NAA50: variants seen among roughly 807,000 people sequenced by gnomAD.
NAA50 encodes N-alpha-acetyltransferase 50.
NAA50 carries 7 observed loss-of-function variants against 20.7 expected under a neutral mutation model. The ratio of observed to expected loss-of-function variants is 0.34; its 90% CI spans 0.19 to 0.63. NAA50 has a LOEUF of 0.63. Among genes scored for constraint, NAA50 ranks in the 30% least tolerant of loss-of-function variants. The probability of loss-of-function intolerance (pLI) is 0.75; values close to 1 mark genes in which losing one functional copy is unlikely to be tolerated. For missense variants in NAA50, 111 were observed against 199.1 expected (o/e 0.56, Z 2.66); for synonymous variants, 54 against 70.6 (o/e 0.77, Z 1.18).
intron 1 of NAA50, among the ~76,000 whole-genome samples, chr3:113,738,002 C>T (rs1475602798): frequency 1.3e-5 from 2 of 152,184 alleles, no homozygotes; most frequent in East Asian, 1.9e-4. Context: ...TCCAGGAGTT[C>T]GAGACCAGCC....
At chr3:113,723,742 G>T in intron 2 of NAA50, 1 of 783,998 alleles carries the variant, frequency 1.3e-6, no homozygotes, top group Non-Finnish European at 1.9e-6. Flanking sequence ...AAAACACACA[G>T]GTATACACTA....
chr3:113,739,204 A>C (rs889316340), intron 1 of NAA50, among the ~76,000 whole-genome samples: 2 of 152,250 alleles, frequency 1.3e-5, no homozygotes, highest in Non-Finnish European at 2.9e-5. Flanking sequence ...TATCATTTTA[A>C]TGTATTTAAA....
chr3:113,743,230 GATAGGCAAC>G (rs1165966996), intron 1 of NAA50, among the ~76,000 whole-genome samples: 1 of 152,222 alleles, frequency 6.6e-6, no homozygotes, highest in African/African-American at 2.4e-5. Flanking sequence ...GTTTCAATAT[GATAGGCAAC>G]ATAGGCAACA....
At chr3:113,732,704 A>G (rs1268592058) in intron 1 of NAA50, among the ~76,000 whole-genome samples, 1 of 152,192 alleles carries the variant, frequency 6.6e-6, no homozygotes, top group African/African-American at 2.4e-5. Flanking sequence ...TATATCTGCA[A>G]AGACCCTATT....
At chr3:113,728,095 C>G (rs1708223121) in intron 1 of NAA50, among the ~76,000 whole-genome samples, 1 of 144,168 alleles carries the variant, frequency 6.9e-6, no homozygotes, top group African/African-American at 2.5e-5. Flanking sequence ...AAAAAAAAGG[C>G]ATAAGCATAA....
intron 1 of NAA50, among the ~76,000 whole-genome samples, chr3:113,732,118 TA>T (rs1708280925): frequency 1.3e-5 from 2 of 152,208 alleles, no homozygotes; most frequent in South Asian, 4.1e-4. Flanking sequence ...TATCTTACTT[TA>T]CATGGAAGAA....
intron 1 of NAA50, among the ~76,000 whole-genome samples, chr3:113,725,734 T>C (rs1433952489): frequency 6.6e-6 from 1 of 152,158 alleles, no homozygotes; most frequent in Non-Finnish European, 1.5e-5. Context: ...TACCATTGCA[T>C]TCCAGCCTGG....
Position 113,744,885 on chromosome 3 carries a change from G to C in NAA50, c.8+1057C>G, listed in dbSNP as rs148570864. 2.2e-3 allele frequency among the ~76,000 whole-genome samples: 328 copies of C among 152,290 alleles called. 1 individual carries two copies. Among genetic ancestry groups the C allele is most frequent in the African/African-American group, 7.0e-3 (289 of 41,558 alleles). On this transcript the variant is annotated intron_variant, in intron 1 of 4. Transcript: ENST00000240922. ...CTTGTTTGGGGCAGTATGAGATTAC[G>C]TTGAAAGTGACTTTTATTTCATCCT...
intron 1 of NAA50, among the ~76,000 whole-genome samples, chr3:113,735,367 AATC>A (rs1708324815): frequency 6.6e-6 from 1 of 152,204 alleles, no homozygotes; most frequent in African/African-American, 2.4e-5. Flanking sequence ...TTGTTATGTA[AATC>A]ATCATCCAAA....
At chr3:113,722,755 C>G in intron 4 of NAA50, 151 bp downstream of exon 4, 1 of 931,988 alleles carries the variant, frequency 1.1e-6, no homozygotes, top group Non-Finnish European at 1.5e-6. Flanking sequence ...CAAAACTAAA[C>G]AAAACTAACA....
rs1191849557 is a variant in NAA50, at chr3:113,717,038, A to C, written c.*4722T>G. On this transcript the variant is annotated 3_prime_UTR_variant, in exon 5 of 5. Transcript: ENST00000240922. ...AGGAAAATACCTTGATTCATTCTAG[A>C]TAGAAAACATTTTACTGGCCAGGCG... 1 of 152,134 alleles carries C rather than the reference A, an allele frequency of 6.6e-6. No individual in the cohort carries two copies. The highest frequency in any genetic ancestry group is 1.9e-4 in the East Asian group (1 of 5,184). 9.4% of individuals were successfully genotyped at this position (152,134 alleles called of 1,614,324 possible).
At chr3:113,735,996 T>C (rs1168419010) in intron 1 of NAA50, among the ~76,000 whole-genome samples, 1 of 152,200 alleles carries the variant, frequency 6.6e-6, no homozygotes, top group African/African-American at 2.4e-5. Context: ...TGATTCACAG[T>C]TTTTCCTTTT....
chr3:113,733,523 G>C (rs181205599), intron 1 of NAA50, among the ~76,000 whole-genome samples: 2 of 152,070 alleles, frequency 1.3e-5, no homozygotes, highest in African/African-American at 4.8e-5. Context: ...TATTGTAATT[G>C]TTTAAAAAAT....
intron 1 of NAA50, among the ~76,000 whole-genome samples, chr3:113,731,175 T>C (rs1435555299): frequency 6.6e-6 from 1 of 152,218 alleles, no homozygotes; most frequent in Non-Finnish European, 1.5e-5. Flanking sequence ...TCTTGTCAAT[T>C]TTTTAAAAAC....
chr3:113,723,219 G>C (rs1372670290), intron 3 of NAA50, among the ~76,000 whole-genome samples: 1 of 152,056 alleles, frequency 6.6e-6, no homozygotes, highest in Non-Finnish European at 1.5e-5. Flanking sequence ...AAAGCAGAAG[G>C]GGACGTAAAC....
At chr3:113,724,688 A>G (rs970235133) in intron 1 of NAA50, 1 of 152,182 alleles carries the variant, frequency 6.6e-6, no homozygotes, top group African/African-American at 2.4e-5. Context: ...AGAAAGCAAC[A>G]GGAGTGATAT....
chr3:113,735,508 T>C (rs528397162), intron 1 of NAA50, among the ~76,000 whole-genome samples: 136 of 152,358 alleles, frequency 8.9e-4, no homozygotes, highest in African/African-American at 3.0e-3. Context: ...CTATCCTATA[T>C]GATCACAACG....
At chr3:113,745,873 C>G in intron 1 of NAA50, 69 bp downstream of exon 1, 4 of 1,544,696 alleles carry the variant, frequency 2.6e-6, no homozygotes, top group Non-Finnish European at 3.5e-6. Context: ...CTTTGCGGCT[C>G]TCCCCCTCTA....
chr3:113,726,037 A>C (rs1708194508), intron 1 of NAA50, among the ~76,000 whole-genome samples: 1 of 152,198 alleles, frequency 6.6e-6, no homozygotes, highest in Admixed American at 6.5e-5. Flanking sequence ...TGAAAGGCTT[A>C]GCTCATTTGG....
Sources: allele counts gnomAD v4.1 joint callset (sites outside exome capture counted in the v4.1 genomes callset), GRCh38; gene constraint gnomAD v4.1.1; transcripts MANE v1.5; gene names NCBI Gene and HGNC (gene_info 2026-07-23, HGNC 2026-07-21).